The following GGA1 variants were observed in gnomAD, a reference collection of about 807,000 sequenced individuals.
GGA1 encodes ADP-ribosylation factor-binding protein GGA1.
Under a neutral mutation model 76.9 loss-of-function variants are expected in GGA1, and 18 were observed. The observed-to-expected ratio is 0.23, with a 90% CI of 0.16 to 0.35. GGA1 has a LOEUF of 0.35. GGA1 is among the 10% of genes least tolerant of loss of function. GGA1 has a pLI of 1.00. For synonymous variants in GGA1, 342 were observed against 354.7 expected, an observed-to-expected ratio of 0.96 and a Z score of 0.40; for missense variants, 755 against 859.0, an observed-to-expected ratio of 0.88 and a Z score of 1.51.
intron 1 of GGA1, 167 bp from the exon 2 acceptor site, chr22:37,614,023 C>T (rs1928262662): frequency 3.2e-6 from 2 of 615,402 alleles, no homozygotes; most frequent in Non-Finnish European, 5.9e-6. Flanking sequence ...CTGTCTACAC[C>T]CACAATCAGG....
At chr22:37,630,680 C>A (rs1431505152) in intron 13 of GGA1, 10 of 549,222 alleles carry the variant, frequency 1.8e-5, no homozygotes, top group Non-Finnish European at 1.6e-5. Flanking sequence ...GATTCTCCTA[C>A]GTCAGGCTCC....
At chr22:37,613,364 A>T (rs962258127) in intron 1 of GGA1, among the ~76,000 whole-genome samples, 18 of 151,900 alleles carry the variant, frequency 1.2e-4, no homozygotes, top group Non-Finnish European at 8.8e-5. Context: ...CTCAGCCCCA[A>T]ACTGAACTGA....
intron 11 of GGA1, 21 bp from the exon 12 acceptor site, chr22:37,629,439 CCT>C (rs752016696): frequency 6.3e-7 from 1 of 1,576,180 alleles, no homozygotes; most frequent in Admixed American, 1.7e-5. Context: ...AGCTCCTTCA[CCT>C]CTCTCCTGCT....
At chr22:37,619,946 G>T in intron 4 of GGA1, 1 of 663,166 alleles carries the variant, frequency 1.5e-6, no homozygotes. Context: ...TCAAGGCTAA[G>T]TCCCCAGAGC....
Position 37,623,768 on chromosome 22 carries a change from C to T in GGA1, c.832+135C>T, listed in dbSNP as rs1239499926. ...GGGGGCCCCCTTCTCCAGCACCGAC[C>T]TTGGGTTTCTCCTCTCTGAGGACAC... On this transcript the variant is annotated intron_variant, in intron 9 of 16. Transcript: ENST00000343632. The surrounding 1 kb of genome is among the most constrained non-coding windows in gnomAD (Gnocchi z 4.6). 6 of 646,432 alleles carry T rather than the reference C, an allele frequency of 9.3e-6. 1 individual carries two copies. The South Asian group carries it at 1.1e-4, about 12-fold the overall frequency. The allele number at this position is 646,432 out of a possible 1,614,324, so 40.0% of individuals were successfully genotyped here.
At position 37,632,935 on chromosome 22, in the gene GGA1, C is replaced by T. The variant is rs11913963; in HGVS notation, c.*224C>T. On this transcript the variant is annotated 3_prime_UTR_variant, in exon 17 of 17. Transcript: ENST00000343632. This position sits in a 1 kb window ranked among gnomAD's most constrained non-coding sequence, Gnocchi z 5.1. ...TAGGAGGCTGGGCCTGGGTTTGTGC[C>T]GCTGGGGTCTCCATCACCGGGACCT... 0.013 allele frequency: 7,473 copies of T among 560,644 alleles called. 398 individuals are homozygous for T. The highest frequency in any genetic ancestry group is 0.12 in the African/African-American group (6,436 of 53,362). 34.7% of individuals were successfully genotyped at this position (560,644 alleles called of 1,614,324 possible). A position where few individuals can be genotyped will look rare whatever the true frequency, so the allele number is the denominator to read the frequency against.
At chr22:37,630,696 A>G (rs555740202) in intron 13 of GGA1, 75 of 556,596 alleles carry the variant, frequency 1.3e-4, no homozygotes, top group African/African-American at 9.7e-4. Context: ...GCTCCTGAGT[A>G]GCTGGGACCA....
At chr22:37,613,859 G>C (rs537031291) in intron 1 of GGA1, 8 of 272,666 alleles carry the variant, frequency 2.9e-5, no homozygotes, top group African/African-American at 1.8e-4. Flanking sequence ...AATTTCATGA[G>C]AATTATGGAG....
At position 37,625,286 on chromosome 22, in the gene GGA1, G is replaced by A. The variant is rs1038355097; in HGVS notation, c.940+210G>A. Reference sequence around the variant, plus strand: ...GGAAGAAGTCTGGTGGGGGAGCTGAGGGTTTGGTGAGGACAGGCAGAAGAA... The same window carrying A: ...GGAAGAAGTCTGGTGGGGGAGCTGAAGGTTTGGTGAGGACAGGCAGAAGAA... On this transcript the variant is annotated intron_variant, in intron 10 of 16. Coordinates refer to ENST00000343632, the MANE Select transcript of GGA1 (RefSeq NM_013365.5). The surrounding 1 kb of genome is among the most constrained non-coding windows in gnomAD (Gnocchi z 4.1). Among the ~76,000 whole-genome samples, 9 of 152,110 alleles carry A rather than the reference G, an allele frequency of 5.9e-5. No individual in the cohort carries two copies. The highest frequency in any genetic ancestry group is 2.2e-4 in the African/African-American group (9 of 41,408).
At chr22:37,617,572 A>G in intron 3 of GGA1, 1 of 976,236 alleles carries the variant, frequency 1.0e-6, no homozygotes, top group Non-Finnish European at 1.2e-6. Flanking sequence ...AGTGGCTTAT[A>G]CCTGTAATTT....
In GGA1 at chr22:37,625,736, T is replaced by C; in HGVS notation, c.941-61T>C. 1 of 1,358,316 alleles carries C rather than the reference T, an allele frequency of 7.4e-7. No individual in the cohort carries two copies. The allele number at this position is 1,358,316 out of a possible 1,614,324, so 84.1% of individuals were successfully genotyped here. The stretch of plus-strand genomic sequence containing the variant: ...TTAGGTGTTGCTCCCCCGCAACCCC[T>C]GTGGACTCTGAGAGACACGTGTACA... On this transcript the variant is annotated intron_variant, in intron 10 of 16. Transcript: ENST00000343632. The surrounding 1 kb of genome is among the most constrained non-coding windows in gnomAD (Gnocchi z 4.1).
intron 1 of GGA1, among the ~76,000 whole-genome samples, chr22:37,611,613 C>T (rs939875764): frequency 2.6e-5 from 4 of 152,204 alleles, no homozygotes; most frequent in African/African-American, 4.8e-5. Flanking sequence ...GGGCTTTGGG[C>T]CCCCTGCCAT....
chr22:37,632,570 G>A lies in GGA1; in HGVS notation c.1810-31G>A. 1 of 1,587,248 alleles carries A rather than the reference G, an allele frequency of 6.3e-7. No homozygotes were observed. The highest frequency in any genetic ancestry group is 8.7e-7 in the Non-Finnish European group (1 of 1,155,716). ...TGGGGACGGCCACTTCTCCTCCTCT[G>A]ACCCCTCTGCCTTTGCCATCTCTTC... On this transcript the variant is annotated intron_variant, in intron 16 of 16. Coordinates refer to ENST00000343632, the MANE Select transcript of GGA1 (RefSeq NM_013365.5). The surrounding 1 kb of genome is among the most constrained non-coding windows in gnomAD (Gnocchi z 5.1).
intron 4 of GGA1, 139 bp from the exon 5 acceptor site, chr22:37,620,099 T>C (rs528640454): frequency 6.4e-5 from 55 of 858,314 alleles, no homozygotes; most frequent in Middle Eastern, 4.6e-4. Context: ...CCCAGGCTGG[T>C]TGGGCGGGGC....
At chr22:37,610,146 C>T (rs1275913599) in intron 1 of GGA1, 1 of 152,200 alleles carries the variant, frequency 6.6e-6, no homozygotes, top group African/African-American at 2.4e-5. Flanking sequence ...TCATACAAAA[C>T]ATTCTCAGGT....
intron 11 of GGA1, among the ~76,000 whole-genome samples, chr22:37,628,391 C>T (rs1423390028): frequency 6.6e-6 from 1 of 152,190 alleles, no homozygotes; most frequent in Non-Finnish European, 1.5e-5. Context: ...ATGAGGCTGT[C>T]ACCCCCCAAT....
Position 37,623,684 on chromosome 22 carries a change from C to A in GGA1, c.832+51C>A. 1 of 1,215,168 alleles carries A rather than the reference C, an allele frequency of 8.2e-7. No individual in the cohort carries two copies. Among genetic ancestry groups the A allele is most frequent in the Non-Finnish European group, 1.2e-6 (1 of 844,084 alleles). 75.3% of individuals were successfully genotyped at this position (1,215,168 alleles called of 1,614,324 possible). On this transcript the variant is annotated intron_variant, in intron 9 of 16. Transcript: ENST00000343632. This position sits in a 1 kb window ranked among gnomAD's most constrained non-coding sequence, Gnocchi z 4.6. Reference sequence around the variant, plus strand: ...CAGGTCCCCCCCTCTCCCTCCACCTCCTGCCCCCACCTCCCCCAGGCCCTG... The same window carrying A: ...CAGGTCCCCCCCTCTCCCTCCACCTACTGCCCCCACCTCCCCCAGGCCCTG...
intron 1 of GGA1, chr22:37,609,228 T>G: frequency 4.1e-6 from 5 of 1,208,012 alleles, no homozygotes; most frequent in Non-Finnish European, 4.2e-6. Context: ...CTTCACGGAG[T>G]AGCGGCCCGG....
chr22:37,612,308 C>CA (rs569774905), intron 1 of GGA1, among the ~76,000 whole-genome samples: 5,041 of 111,924 alleles, frequency 0.045, 280 homozygotes, highest in African/African-American at 0.14. Context: ...ACTAAAAATA[C>CA]AAAAAAAAAA....
Sources: allele counts gnomAD v4.1 joint callset (sites outside exome capture counted in the v4.1 genomes callset), GRCh38; gene constraint gnomAD v4.1.1; non-coding constraint Gnocchi (gnomAD v3.1); transcripts MANE v1.5; gene names NCBI Gene and HGNC (gene_info 2026-07-23, HGNC 2026-07-21).